KCNIP4: variants seen among roughly 807,000 people sequenced by gnomAD.
KCNIP4 encodes Kv channel-interacting protein 4.
Under a neutral mutation model 34.0 loss-of-function variants are expected in KCNIP4, and 12 were observed. The observed-to-expected ratio is 0.35, with a 90% CI of 0.23 to 0.57. The LOEUF is 0.57. KCNIP4 is among the 20% of genes least tolerant of loss of function. KCNIP4 has a pLI of 0.83. For synonymous variants in KCNIP4, 124 were observed against 102.2 expected, an observed-to-expected ratio of 1.21 and a Z score of -1.29; for missense variants, 238 against 311.7, an observed-to-expected ratio of 0.76 and a Z score of 1.78.
intron 1 of KCNIP4, among the ~76,000 whole-genome samples, chr4:21,930,144 A>T (rs923075764): frequency 6.6e-6 from 1 of 152,106 alleles, no homozygotes; most frequent in African/African-American, 2.4e-5. Context: ...AAGTATCCCA[A>T]CCTCAATATG....
chr4:20,854,553 A>T (rs559177761), intron 2 of KCNIP4, among the ~76,000 whole-genome samples: 3 of 152,184 alleles, frequency 2.0e-5, no homozygotes, highest in Non-Finnish European at 4.4e-5. Context: ...TACGTGGGTG[A>T]TGGGTACATC....
chr4:20,846,568 A>T (rs1720407589), intron 3 of KCNIP4, among the ~76,000 whole-genome samples: 2 of 152,046 alleles, frequency 1.3e-5, no homozygotes, highest in South Asian at 4.1e-4. Flanking sequence ...ACTTCAGATT[A>T]AAAAAAAGAA....
At chr4:21,594,956 T>A (rs543717698) in intron 1 of KCNIP4, among the ~76,000 whole-genome samples, 61 of 152,206 alleles carry the variant, frequency 4.0e-4, no homozygotes, top group African/African-American at 1.4e-3. Context: ...AAAACCACAA[T>A]TACTTTTTTT....
intron 3 of KCNIP4, among the ~76,000 whole-genome samples, chr4:20,822,827 T>C (rs917953123): frequency 6.6e-6 from 1 of 152,154 alleles, no homozygotes; most frequent in African/African-American, 2.4e-5. Context: ...GTGGGACCTT[T>C]TGAGAAGTGA....
At chr4:21,515,616 G>A (rs1333800557) in intron 1 of KCNIP4, among the ~76,000 whole-genome samples, 2 of 150,322 alleles carry the variant, frequency 1.3e-5, no homozygotes, top group African/African-American at 4.9e-5. Context: ...TCCAGCCTGT[G>A]ACAGAGCGAG....
chr4:20,795,926 T>C (rs1281888756), intron 3 of KCNIP4, among the ~76,000 whole-genome samples: 1 of 152,196 alleles, frequency 6.6e-6, no homozygotes, highest in Admixed American at 6.6e-5. Flanking sequence ...TATCAGTCTT[T>C]AACATCTTAT....
intron 1 of KCNIP4, among the ~76,000 whole-genome samples, chr4:21,119,512 T>G (rs760590344): frequency 1.7e-4 from 25 of 150,220 alleles, no homozygotes; most frequent in Admixed American, 4.0e-4. Flanking sequence ...TCTTTTTAAT[T>G]TCTACAATTA....
chr4:21,741,033 G>A (rs777225552), intron 1 of KCNIP4, among the ~76,000 whole-genome samples: 3 of 152,150 alleles, frequency 2.0e-5, no homozygotes, highest in African/African-American at 7.2e-5. Context: ...TGGAGAGACA[G>A]TGTGGAAAAA....
intron 1 of KCNIP4, among the ~76,000 whole-genome samples, chr4:21,371,384 G>A (rs1441849926): frequency 1.4e-5 from 2 of 146,378 alleles, no homozygotes; most frequent in Non-Finnish European, 2.9e-5. Flanking sequence ...AGTTGAAGAT[G>A]TGTGCTGGCA....
chr4:21,815,429 C>T (rs1256007943), intron 1 of KCNIP4, among the ~76,000 whole-genome samples: 1 of 152,022 alleles, frequency 6.6e-6, no homozygotes, highest in Non-Finnish European at 1.5e-5. Context: ...CAAACCACCA[C>T]CACCATCATC....
chr4:21,236,738 G>A lies in KCNIP4; in HGVS notation c.62-354029C>T, dbSNP rs926165322. ...TAAGATATACATTCAGGCCGGGCGC[G>A]GTGGCTCATGTCTGTTATCCCAGCA... On this transcript the variant is annotated intron_variant, in intron 1 of 8. Coordinates refer to ENST00000382152, the MANE Select transcript of KCNIP4 (RefSeq NM_025221.6). 8.4e-4 allele frequency among the ~76,000 whole-genome samples: 128 copies of A among 151,900 alleles called. 10 individuals carry two copies. Among genetic ancestry groups the A allele is most frequent in the Non-Finnish European group, 1.6e-4 (11 of 67,994 alleles).
intron 1 of KCNIP4, among the ~76,000 whole-genome samples, chr4:21,147,056 T>C (rs1203527334): frequency 1.3e-5 from 2 of 152,072 alleles, no homozygotes; most frequent in African/African-American, 4.8e-5. Flanking sequence ...TCCTGGGAGG[T>C]GGACCAGAAG....
At chr4:21,111,049 T>C (rs1749121304) in intron 1 of KCNIP4, among the ~76,000 whole-genome samples, 1 of 152,212 alleles carries the variant, frequency 6.6e-6, no homozygotes. Context: ...ATGAGTACAA[T>C]TTTATATTTT....
chr4:21,476,017 C>T (rs1269911711), intron 1 of KCNIP4, among the ~76,000 whole-genome samples: 1 of 152,082 alleles, frequency 6.6e-6, no homozygotes, highest in Non-Finnish European at 1.5e-5. Flanking sequence ...AAACTCATTG[C>T]TTTTCATATG....
At chr4:21,421,146 T>C (rs899911421) in intron 1 of KCNIP4, among the ~76,000 whole-genome samples, 2 of 152,120 alleles carry the variant, frequency 1.3e-5, no homozygotes, top group African/African-American at 2.4e-5. Flanking sequence ...CTAGTGTTGG[T>C]GAGGATGTAG....
At chr4:21,779,285 A>C (rs1719421413) in intron 1 of KCNIP4, among the ~76,000 whole-genome samples, 1 of 152,168 alleles carries the variant, frequency 6.6e-6, no homozygotes, top group Admixed American at 6.5e-5. Flanking sequence ...CAAGGATGAT[A>C]ACTCTATTAG....
chr4:20,951,849 A>G (rs1474166580), intron 1 of KCNIP4, among the ~76,000 whole-genome samples: 2 of 152,218 alleles, frequency 1.3e-5, no homozygotes, highest in Non-Finnish European at 2.9e-5. Flanking sequence ...AAAACCATGT[A>G]TTCTAAAGGG....
At chr4:21,033,990 T>C (rs887436442) in intron 1 of KCNIP4, among the ~76,000 whole-genome samples, 46 of 152,194 alleles carry the variant, frequency 3.0e-4, no homozygotes, top group African/African-American at 1.1e-3. Context: ...ATTGCAAGTG[T>C]TATATACACA....
At chr4:21,510,686 C>G (rs1039426431) in intron 1 of KCNIP4, among the ~76,000 whole-genome samples, 1 of 151,932 alleles carries the variant, frequency 6.6e-6, no homozygotes, top group South Asian at 2.1e-4. Flanking sequence ...ATATGTTGAC[C>G]CCTCATTTTT....
Sources: allele counts gnomAD v4.1 joint callset (sites outside exome capture counted in the v4.1 genomes callset), GRCh38; gene constraint gnomAD v4.1.1; transcripts MANE v1.5; gene names NCBI Gene and HGNC (gene_info 2026-07-23, HGNC 2026-07-21).